Variants in DAB1 observed in about 807,000 individuals in gnomAD.
DAB1 encodes the protein disabled homolog 1.
A neutral mutation model predicts 64.6 loss-of-function variants in DAB1; 15 were observed. That is an observed-to-expected ratio of 0.23 (90% CI 0.16 to 0.36). The LOEUF (loss-of-function observed/expected upper bound fraction) is 0.36, where lower values mean the gene tolerates loss of function less well. Among genes scored for constraint, DAB1 ranks in the 10% least tolerant of loss-of-function variants. DAB1 has a pLI of 1.00. For missense variants in DAB1, 596 were observed against 706.7 expected, an observed-to-expected ratio of 0.84 and a Z score of 1.78; for synonymous variants, 235 against 251.9, an observed-to-expected ratio of 0.93 and a Z score of 0.64.
intron 5 of DAB1, among the ~76,000 whole-genome samples, chr1:58,059,107 G>A (rs1279449095): frequency 6.6e-6 from 1 of 152,170 alleles, no homozygotes; most frequent in Non-Finnish European, 1.5e-5. Context: ...GTCCCTGCCT[G>A]TCTCCCTTAC....
At chr1:57,907,561 T>C (rs1310413445) in intron 5 of DAB1, among the ~76,000 whole-genome samples, 1 of 152,176 alleles carries the variant, frequency 6.6e-6, no homozygotes, top group East Asian at 1.9e-4. Flanking sequence ...ATGTATTAGC[T>C]GTCAACGACC....
At chr1:58,028,675 G>A (rs571377919) in intron 5 of DAB1, among the ~76,000 whole-genome samples, 1 of 152,302 alleles carries the variant, frequency 6.6e-6, no homozygotes, top group Admixed American at 6.5e-5. Flanking sequence ...TTGCCATTTT[G>A]TGTATGTCTG....
At chr1:57,479,936 G>A (rs1643992583) in intron 7 of DAB1, among the ~76,000 whole-genome samples, 1 of 151,912 alleles carries the variant, frequency 6.6e-6, no homozygotes, top group Non-Finnish European at 1.5e-5. Flanking sequence ...GGCGGATCAC[G>A]AGGTCAGGAG....
chr1:58,437,836 G>A (rs1444607699), intron 3 of DAB1, among the ~76,000 whole-genome samples: 4 of 152,328 alleles, frequency 2.6e-5, no homozygotes, highest in South Asian at 4.1e-4. Flanking sequence ...GCAGTGCTGA[G>A]CAGGGTGAGC....
chr1:58,195,535 G>A (rs1657630810), intron 4 of DAB1, among the ~76,000 whole-genome samples: 2 of 152,320 alleles, frequency 1.3e-5, no homozygotes, highest in Middle Eastern at 3.4e-3. Flanking sequence ...GGACACACCT[G>A]TTATTCACTG....
chr1:58,040,202 C>T (rs1278583176), intron 5 of DAB1, among the ~76,000 whole-genome samples: 1 of 152,100 alleles, frequency 6.6e-6, no homozygotes, highest in Non-Finnish European at 1.5e-5. Flanking sequence ...GCATCTGTTC[C>T]ATGTTGATTA....
intron 5 of DAB1, chr1:58,048,245 T>G (rs181152029): frequency 3.3e-4 from 426 of 1,290,656 alleles, no homozygotes; most frequent in Admixed American, 5.0e-4. Context: ...GTTTCACAGT[T>G]TGGCAAAGTA....
At position 57,966,179 on chromosome 1, in the gene DAB1, G is replaced by A. The variant is rs140103515; in HGVS notation, n.388-82017C>T. Among the ~76,000 whole-genome samples the A allele has an allele frequency of 9.2e-5, 14 of 152,174 alleles. No homozygotes were observed. In the East Asian group the frequency reaches 2.5e-3, roughly 27 times the overall value. ...AAAGAACTGTACTACTTTTAATATCGGTCTGTCTTGATCAGATAGCTTAAG... is the reference window on the plus strand; with the variant it reads ...AAAGAACTGTACTACTTTTAATATCAGTCTGTCTTGATCAGATAGCTTAAG... On this transcript the variant is annotated intron_variant and non_coding_transcript_variant, in intron 5 of 20. Transcript: ENST00000485760.
chr1:57,060,548 C>T (rs1650284639), intron 9 of DAB1, among the ~76,000 whole-genome samples: 1 of 152,104 alleles, frequency 6.6e-6, no homozygotes, highest in African/African-American at 2.4e-5. Flanking sequence ...GACCCCAGGA[C>T]ATTCAAGGAA....
At chr1:58,062,600 A>G (rs1239499279) in intron 5 of DAB1, among the ~76,000 whole-genome samples, 1 of 152,106 alleles carries the variant, frequency 6.6e-6, no homozygotes, top group African/African-American at 2.4e-5. Context: ...AGGCATGGGG[A>G]GACATGGCAA....
At chr1:57,467,251 G>A (rs1034641680) in intron 7 of DAB1, among the ~76,000 whole-genome samples, 12 of 152,114 alleles carry the variant, frequency 7.9e-5, no homozygotes, top group African/African-American at 2.7e-4. Context: ...AATGTAACCA[G>A]TCTATGAATC....
At chr1:58,212,977 G>A (rs111499356) in intron 4 of DAB1, among the ~76,000 whole-genome samples, 28 of 152,224 alleles carry the variant, frequency 1.8e-4, no homozygotes, top group African/African-American at 6.5e-4. Flanking sequence ...CAGAATGCTG[G>A]TTCTTAGAGC....
At chr1:58,028,910 A>G (rs747420874) in intron 5 of DAB1, among the ~76,000 whole-genome samples, 1 of 152,160 alleles carries the variant, frequency 6.6e-6, no homozygotes, top group Non-Finnish European at 1.5e-5. Context: ...GACCCATGTT[A>G]TTTCTATTAT....
intron 7 of DAB1, among the ~76,000 whole-genome samples, chr1:57,451,044 G>T (rs576033317): frequency 6.6e-6 from 1 of 152,086 alleles, no homozygotes; most frequent in South Asian, 2.1e-4. Flanking sequence ...AGATTTAATC[G>T]CAGGTCATGA....
At chr1:57,859,033 G>T (rs1364435782) in intron 1 of DAB1, among the ~76,000 whole-genome samples, 3 of 152,044 alleles carry the variant, frequency 2.0e-5, no homozygotes. Flanking sequence ...TCTGCAGGGG[G>T]TTGTCGTTTG....
chr1:57,407,651 T>A (rs1012789134), intron 1 of DAB1, among the ~76,000 whole-genome samples: 2 of 152,184 alleles, frequency 1.3e-5, no homozygotes, highest in African/African-American at 2.4e-5. Context: ...TTGCCCATGG[T>A]CACAGAGCTA....
chr1:57,706,624 G>A (rs1646969705), intron 6 of DAB1, among the ~76,000 whole-genome samples: 1 of 152,056 alleles, frequency 6.6e-6, no homozygotes, highest in Non-Finnish European at 1.5e-5. Context: ...CTACTCACAT[G>A]TTTATCAATA....
chr1:57,781,643 A>G (rs1650104089), intron 6 of DAB1, among the ~76,000 whole-genome samples: 1 of 152,022 alleles, frequency 6.6e-6, no homozygotes, highest in African/African-American at 2.4e-5. Flanking sequence ...AATGATTCCA[A>G]AGCTTCTAAA....
chr1:58,536,890 A>T, intron 1 of DAB1: 1 of 575,744 alleles, frequency 1.7e-6, no homozygotes, highest in Admixed American at 3.3e-5. Flanking sequence ...AATTAATAAA[A>T]TTCTTAGCTA....
Sources: gnomAD v4.1 joint callset for allele counts (sites outside exome capture counted in the v4.1 genomes callset) on GRCh38, gnomAD v4.1.1 for gene constraint, MANE v1.5 for transcripts, NCBI Gene and HGNC (gene_info 2026-07-23, HGNC 2026-07-21) for gene names.